Variants in TMEM132B observed in about 807,000 individuals in gnomAD.
TMEM132B encodes the protein transmembrane protein 132B.
TMEM132B carries 18 observed loss-of-function variants against 90.8 expected under a neutral mutation model. The observed-to-expected ratio is 0.20, with a 90% CI of 0.14 to 0.29. The LOEUF (loss-of-function observed/expected upper bound fraction) is 0.29, where lower values mean the gene tolerates loss of function less well. Ranked by LOEUF, TMEM132B falls within the 10% of genes least tolerant of loss-of-function variation. The pLI is 1.00. For missense variants in TMEM132B, 1,096 were observed against 1,326.8 expected (o/e 0.83, Z 2.70); for synonymous variants, 504 against 523.3 (o/e 0.96, Z 0.50).
At position 125,594,998 on chromosome 12, in the gene TMEM132B, A is replaced by G. The variant is rs911612251; in HGVS notation, c.1437+11004A>G. Reference sequence around the variant, plus strand: ...AGAAGAATGAATGGATGCCATTCCCATGGACAAACAAAAGGCATGACGGGA... The same window carrying G: ...AGAAGAATGAATGGATGCCATTCCCGTGGACAAACAAAAGGCATGACGGGA... On this transcript the variant is annotated intron_variant, in intron 5 of 8. Transcript: ENST00000682704. Among the ~76,000 whole-genome samples, 10 of 152,248 alleles carry G rather than the reference A, an allele frequency of 6.6e-5. No individual in the cohort carries two copies. The South Asian group carries it at 2.1e-3, about 32-fold the overall frequency.
intron 1 of TMEM132B, among the ~76,000 whole-genome samples, chr12:125,233,737 G>A (rs1280258791): frequency 1.3e-5 from 2 of 152,192 alleles, no homozygotes; most frequent in Admixed American, 1.3e-4. Context: ...TAGGCTTGGG[G>A]CTTCTCCCTT....
chr12:125,625,323 C>G (rs953669993), intron 5 of TMEM132B, among the ~76,000 whole-genome samples: 1 of 151,820 alleles, frequency 6.6e-6, no homozygotes, highest in South Asian at 2.1e-4. Context: ...TTAGTAGAGA[C>G]GGGGTTTCAC....
chr12:125,589,241 G>C (rs1885251076), intron 5 of TMEM132B, among the ~76,000 whole-genome samples: 1 of 152,042 alleles, frequency 6.6e-6, no homozygotes, highest in Admixed American at 6.6e-5. Flanking sequence ...CCAGCACTTT[G>C]GGAGGCCAAG....
At chr12:125,625,226 G>A (rs111752716) in intron 5 of TMEM132B, among the ~76,000 whole-genome samples, 9 of 139,494 alleles carry the variant, frequency 6.5e-5, no homozygotes, top group East Asian at 2.2e-4. Flanking sequence ...TCTGCCTCCC[G>A]GGTTCACGCC....
chr12:125,652,515 G>A lies in TMEM132B; in HGVS notation c.1989G>A (p.Ala663=), dbSNP rs373773292. The A allele has an allele frequency of 1.4e-4, 228 of 1,613,748 alleles. No homozygotes were observed. In the East Asian group the frequency reaches 3.4e-3, roughly 24 times the overall value. The change falls in exon 8 of 9, where the codon GCG becomes GCA. Residue 663 remains alanine, a synonymous_variant. Transcript: ENST00000682704. ...TCCTGGATGACCGAGTCACCATCGC[G>A]GAGCTGGGAGTGCAGCTCGTAGCTG... is the stretch of plus-strand genomic sequence containing the variant. ...VIVLDDRVTI[A]ELGVQLVAGM... is the part of the protein sequence containing the mutation.
intron 2 of TMEM132B, among the ~76,000 whole-genome samples, chr12:125,411,908 T>C (rs1190935838): frequency 1.3e-5 from 2 of 152,190 alleles, no homozygotes; most frequent in Non-Finnish European, 2.9e-5. Context: ...AATGTTGACA[T>C]TTGTTGGCTA....
intron 1 of TMEM132B, among the ~76,000 whole-genome samples, chr12:125,247,746 T>C (rs1337698391): frequency 6.6e-6 from 1 of 152,202 alleles, no homozygotes; most frequent in Non-Finnish European, 1.5e-5. Flanking sequence ...CTAGCCGATG[T>C]CACCGGCCCT....
intron 5 of TMEM132B, among the ~76,000 whole-genome samples, chr12:125,628,995 T>TCCA (rs1886296283): frequency 6.6e-6 from 1 of 152,134 alleles, no homozygotes; most frequent in African/African-American, 2.4e-5. Context: ...TCTATTCTGT[T>TCCA]CCATTGGTCT....
chr12:125,199,580 C>T (rs966401968), intron 1 of TMEM132B, among the ~76,000 whole-genome samples: 6 of 152,100 alleles, frequency 3.9e-5, no homozygotes, highest in Admixed American at 2.6e-4. Flanking sequence ...TTGGGTTCAT[C>T]AGTGAGTGAA....
At chr12:125,637,463 G>C (rs953154134) in intron 5 of TMEM132B, among the ~76,000 whole-genome samples, 1 of 152,184 alleles carries the variant, frequency 6.6e-6, no homozygotes, top group Non-Finnish European at 1.5e-5. Flanking sequence ...TGTGCCCAAG[G>C]TGGTAGGGCA....
At chr12:125,591,632 G>A (rs1225247305) in intron 5 of TMEM132B, among the ~76,000 whole-genome samples, 1 of 152,158 alleles carries the variant, frequency 6.6e-6, no homozygotes, top group Non-Finnish European at 1.5e-5. Context: ...CGCAGTTCTG[G>A]AGGCCAGAAA....
chr12:125,258,818 G>T (rs1337494494), intron 1 of TMEM132B, among the ~76,000 whole-genome samples: 1 of 152,230 alleles, frequency 6.6e-6, no homozygotes, highest in African/African-American at 2.4e-5. Flanking sequence ...TGACTGGGAT[G>T]TGGGGGCTGT....
chr12:125,231,498 T>G (rs1002893135), intron 1 of TMEM132B, among the ~76,000 whole-genome samples: 4 of 152,080 alleles, frequency 2.6e-5, no homozygotes, highest in Admixed American at 1.3e-4. Flanking sequence ...CACACAGGAG[T>G]ATTTGAGCAT....
chr12:125,360,477 T>G (rs1195282340), intron 2 of TMEM132B, among the ~76,000 whole-genome samples: 2 of 152,194 alleles, frequency 1.3e-5, no homozygotes, highest in Non-Finnish European at 2.9e-5. Flanking sequence ...AGAGGTGAAC[T>G]GGTAGCAATT....
At chr12:125,270,389 A>G (rs967911490) in intron 1 of TMEM132B, among the ~76,000 whole-genome samples, 1 of 152,160 alleles carries the variant, frequency 6.6e-6, no homozygotes, top group African/African-American at 2.4e-5. Context: ...GTACCCCACA[A>G]TATCCCATTT....
At chr12:125,509,208 C>A (rs1315695872) in intron 3 of TMEM132B, among the ~76,000 whole-genome samples, 1 of 152,194 alleles carries the variant, frequency 6.6e-6, no homozygotes, top group Non-Finnish European at 1.5e-5. Flanking sequence ...ACAAGTGTTA[C>A]ATTCAGTCTT....
At chr12:125,217,850 C>G (rs970012455) in intron 1 of TMEM132B, among the ~76,000 whole-genome samples, 1 of 152,222 alleles carries the variant, frequency 6.6e-6, no homozygotes, top group African/African-American at 2.4e-5. Context: ...AGATGTTTAT[C>G]ACACAGATAA....
intron 2 of TMEM132B, among the ~76,000 whole-genome samples, chr12:125,362,290 T>A (rs922154262): frequency 6.6e-6 from 1 of 152,230 alleles, no homozygotes; most frequent in African/African-American, 2.4e-5. Context: ...TATCACACCC[T>A]GATACTGAGT....
chr12:125,214,664 G>A (rs1006252217), intron 1 of TMEM132B, among the ~76,000 whole-genome samples: 11 of 152,230 alleles, frequency 7.2e-5, no homozygotes, highest in Admixed American at 2.0e-4. Flanking sequence ...CAAACAACAC[G>A]TGCCCACTCT....
Sources: allele counts gnomAD v4.1 joint callset (sites outside exome capture counted in the v4.1 genomes callset), GRCh38; gene constraint gnomAD v4.1.1; transcripts MANE v1.5; gene names NCBI Gene and HGNC (gene_info 2026-07-23, HGNC 2026-07-21).